The following ZHX3 variants were observed in gnomAD, a reference collection of about 807,000 sequenced individuals.
ZHX3 encodes zinc fingers and homeoboxes 3.
A neutral mutation model predicts 64.5 loss-of-function variants in ZHX3; 20 were observed. The observed-to-expected ratio is 0.31, with a 90% CI of 0.22 to 0.45. The LOEUF is 0.45. ZHX3 is among the 20% of genes least tolerant of loss of function. The pLI is 1.00. For synonymous variants in ZHX3, 423 were observed against 461.6 expected, an observed-to-expected ratio of 0.92 and a Z score of 1.07; for missense variants, 1,041 against 1,195.8, an observed-to-expected ratio of 0.87 and a Z score of 1.91.
At chr20:41,193,220 A>G (rs909587453) in intron 3 of ZHX3, among the ~76,000 whole-genome samples, 1 of 152,194 alleles carries the variant, frequency 6.6e-6, no homozygotes, top group East Asian at 1.9e-4. Flanking sequence ...TATGCTTTTG[A>G]TAGATTTTAC....
At position 41,228,254 on chromosome 20, in the gene ZHX3, T is replaced by G. The variant is rs2040391512; in HGVS notation, c.-150-23188A>C. ...CAAATCCATTACTTCCAACTGCCAT[T>G]GATCCCTGCAGGTTTTAAAAAACTA... On this transcript the variant is annotated intron_variant, in intron 2 of 3. Transcript: ENST00000683867. The surrounding 1 kb of genome is among the most constrained non-coding windows in gnomAD (Gnocchi z 4.6). Among the ~76,000 whole-genome samples, 1 of 152,182 alleles carries G rather than the reference T, an allele frequency of 6.6e-6. No homozygotes were observed. The highest frequency in any genetic ancestry group is 1.5e-5 in the Non-Finnish European group (1 of 68,040).
In ZHX3 at chr20:41,202,442, T is replaced by C; in HGVS notation, c.2475A>G (p.Lys825=). The C allele has an allele frequency of 1.2e-6, 2 of 1,614,192 alleles. No individual in the cohort carries two copies. The highest frequency in any genetic ancestry group is 1.3e-5 in the African/African-American group (1 of 75,048). The change falls in exon 3 of 4, where the codon AAA becomes AAG. Residue 825 remains lysine (K), a synonymous_variant. Coordinates refer to ENST00000683867, the MANE Select transcript of ZHX3 (RefSeq NM_001384317.1). This position sits in a 1 kb window ranked among gnomAD's most constrained non-coding sequence, Gnocchi z 7.0. The part of the protein sequence containing the change: ...SRYALKNGQL[K]WYEDYKRGNF... ...TGCCTCGCTTATAGTCTTCGTACCATTTGAGTTGGCCGTTCTTCAGTGCGT... is the reference window on the plus strand; with the variant it reads ...TGCCTCGCTTATAGTCTTCGTACCACTTGAGTTGGCCGTTCTTCAGTGCGT...
chr20:41,217,952 G>T (rs900156161), intron 2 of ZHX3, among the ~76,000 whole-genome samples: 4 of 152,090 alleles, frequency 2.6e-5, no homozygotes. Context: ...CTTACAGAGG[G>T]TTCGAAGATT....
At chr20:41,317,320 G>GC (rs1228447958) in intron 1 of ZHX3, 189 bp downstream of exon 1, 1 of 152,328 alleles carries the variant, frequency 6.6e-6, no homozygotes, top group Non-Finnish European at 1.5e-5. Context: ...GGGGGTGCTG[G>GC]CGGCTGACAG....
intron 1 of ZHX3, among the ~76,000 whole-genome samples, chr20:41,272,584 TA>T (rs2043195721): frequency 6.6e-6 from 1 of 152,218 alleles, no homozygotes; most frequent in Non-Finnish European, 1.5e-5. Flanking sequence ...TATGTCTCCA[TA>T]AAATTACCTC....
intron 1 of ZHX3, among the ~76,000 whole-genome samples, chr20:41,306,894 C>G (rs1203141533): frequency 2.0e-5 from 3 of 152,116 alleles, no homozygotes; most frequent in Non-Finnish European, 1.5e-5. Context: ...GTGGAAGAGC[C>G]TTAACATGGG....
chr20:41,313,732 GA>G (rs2146848048), intron 1 of ZHX3, among the ~76,000 whole-genome samples: 1 of 151,970 alleles, frequency 6.6e-6, no homozygotes, highest in East Asian at 1.9e-4. Flanking sequence ...CAAGTAGCTG[GA>G]ACTACAGGCG....
chr20:41,191,704 C>G (rs187419275), intron 3 of ZHX3, among the ~76,000 whole-genome samples: 1 of 152,290 alleles, frequency 6.6e-6, no homozygotes, highest in Admixed American at 6.5e-5. Flanking sequence ...GGGTAGGACA[C>G]TTTGGCTTTG....
intron 2 of ZHX3, among the ~76,000 whole-genome samples, chr20:41,262,286 C>T (rs2042601985): frequency 6.6e-6 from 1 of 152,184 alleles, no homozygotes; most frequent in Non-Finnish European, 1.5e-5. Flanking sequence ...TTGCTTTAAA[C>T]CCTCTGGTAC....
chr20:41,214,302 C>T (rs557581233), intron 2 of ZHX3, among the ~76,000 whole-genome samples: 1 of 152,010 alleles, frequency 6.6e-6, no homozygotes, highest in Non-Finnish European at 1.5e-5. Context: ...CATAATAAAC[C>T]CAAGAAAAGG....
Position 41,202,058 on chromosome 20 carries a change from G to A in ZHX3, c.2859C>T (p.Leu953=), listed in dbSNP as rs779354860. The change falls in exon 3 of 4, where the codon CTC becomes CTT. Residue 953 remains leucine, a splice_region_variant and synonymous_variant. Coordinates refer to ENST00000683867, the MANE Select transcript of ZHX3 (RefSeq NM_001384317.1). This position sits in a 1 kb window ranked among gnomAD's most constrained non-coding sequence, Gnocchi z 7.0. ...CCATGGCCCCTGTGGACTCCTTACC[G>A]AGCTGACGTCCAGCCTGGGGACTCG... ...DTSSPQAGRQ[L]ETD is the part of the protein sequence containing the mutation. 5.7e-6 allele frequency: 9 copies of A among 1,590,076 alleles called. No individual in the cohort carries two copies. The highest frequency in any genetic ancestry group is 3.5e-5 in the South Asian group (3 of 86,804).
At chr20:41,266,335 C>T (rs774367675) in intron 2 of ZHX3, among the ~76,000 whole-genome samples, 16 of 152,016 alleles carry the variant, frequency 1.1e-4, no homozygotes, top group African/African-American at 3.9e-4. Flanking sequence ...TATAAGAAAA[C>T]TCTCAGTGAT....
intron 1 of ZHX3, chr20:41,269,422 T>G (rs899340010): frequency 1.3e-5 from 2 of 152,228 alleles, no homozygotes; most frequent in Non-Finnish European, 2.9e-5. Context: ...GATGTGTTGC[T>G]TTGTAACTTC....
At chr20:41,267,699 G>T (rs2042931468) in intron 2 of ZHX3, 1 of 152,234 alleles carries the variant, frequency 6.6e-6, no homozygotes, top group Non-Finnish European at 1.5e-5. Context: ...AGGCATCTTT[G>T]AAAGTTTAAC....
chr20:41,230,794 A>G (rs1347238169), intron 2 of ZHX3, among the ~76,000 whole-genome samples: 3 of 152,186 alleles, frequency 2.0e-5, no homozygotes, highest in African/African-American at 7.2e-5. Flanking sequence ...CCACACATGC[A>G]TAGCCTACTC....
At chr20:41,313,935 TC>T (rs145167840) in intron 1 of ZHX3, among the ~76,000 whole-genome samples, 8,268 of 152,182 alleles carry the variant, frequency 0.054, 740 homozygotes, top group African/African-American at 0.19. Context: ...CATTTAGGAT[TC>T]CCCCCTTACC....
intron 2 of ZHX3, among the ~76,000 whole-genome samples, chr20:41,238,158 G>A (rs988440357): frequency 6.6e-6 from 1 of 152,164 alleles, no homozygotes; most frequent in Non-Finnish European, 1.5e-5. Flanking sequence ...TTTGTTGCAT[G>A]GGGAATGAAC....
intron 2 of ZHX3, among the ~76,000 whole-genome samples, chr20:41,231,078 T>C (rs1310630419): frequency 6.6e-6 from 1 of 152,192 alleles, no homozygotes; most frequent in African/African-American, 2.4e-5. Context: ...GTCTCTATAG[T>C]TTTGCCTTTT....
At chr20:41,282,654 A>G (rs1205514731) in intron 1 of ZHX3, among the ~76,000 whole-genome samples, 1 of 152,160 alleles carries the variant, frequency 6.6e-6, no homozygotes, top group Non-Finnish European at 1.5e-5. Flanking sequence ...CACCGCACCC[A>G]GCCCACGATT....
Sources: allele counts gnomAD v4.1 joint callset (sites outside exome capture counted in the v4.1 genomes callset), GRCh38; gene constraint gnomAD v4.1.1; non-coding constraint Gnocchi (gnomAD v3.1); transcripts MANE v1.5; gene names NCBI Gene and HGNC (gene_info 2026-07-23, HGNC 2026-07-21).